The following SPEF2 variants were observed in gnomAD, a reference collection of about 807,000 sequenced individuals.
SPEF2 encodes the protein sperm flagella and cilia-associated protein 2.
SPEF2 carries 187 observed loss-of-function variants against 224.6 expected under a neutral mutation model. The observed-to-expected ratio is 0.83, with a 90% CI of 0.74 to 0.94. The LOEUF is 0.94. Among genes scored for constraint, SPEF2 ranks in the 40% least tolerant of loss-of-function variants. The probability of loss-of-function intolerance (pLI) is 0.00; values close to 1 mark genes in which losing one functional copy is unlikely to be tolerated. For missense variants in SPEF2, 2,170 were observed against 2,135.6 expected (o/e 1.02, Z -0.32); for synonymous variants, 715 against 707.3 (o/e 1.01, Z -0.17).
chr5:35,758,673 T>C (rs1750785582), intron 24 of SPEF2, among the ~76,000 whole-genome samples: 1 of 152,082 alleles, frequency 6.6e-6, no homozygotes, highest in Non-Finnish European at 1.5e-5. Context: ...TCTCCACATA[T>C]TGAACAAGAA....
At chr5:35,729,375 C>T (rs1745231711) in intron 21 of SPEF2, among the ~76,000 whole-genome samples, 1 of 152,160 alleles carries the variant, frequency 6.6e-6, no homozygotes, top group Non-Finnish European at 1.5e-5. Context: ...GAGCTGTGGC[C>T]TTCCCCAGAG....
intron 24 of SPEF2, 129 bp downstream of exon 24, chr5:35,753,890 G>A: frequency 9.0e-7 from 1 of 1,117,278 alleles, no homozygotes; most frequent in Non-Finnish European, 1.3e-6. Flanking sequence ...CACTATGCCT[G>A]GTATGAGCTC....
chr5:35,708,888 A>G, intron 18 of SPEF2, 60 bp from the exon 19 acceptor site: 1 of 1,425,646 alleles, frequency 7.0e-7, no homozygotes, highest in South Asian at 1.3e-5. Flanking sequence ...TCTTAGTTCA[A>G]GTGAAATAGT....
intron 16 of SPEF2, among the ~76,000 whole-genome samples, 174 bp downstream of exon 16, chr5:35,700,926 G>A (rs756955782): frequency 8.5e-5 from 13 of 152,168 alleles, no homozygotes; most frequent in African/African-American, 2.4e-4. Flanking sequence ...AGCATTCAGC[G>A]CTGTGGGCAA....
chr5:35,675,652 C>T (rs527436526), intron 10 of SPEF2: 1 of 225,644 alleles, frequency 4.4e-6, no homozygotes, highest in South Asian at 6.1e-5. Flanking sequence ...GCCAGGACTA[C>T]AGGCCTACAG....
intron 15 of SPEF2, chr5:35,699,114 C>T (rs934387209): frequency 3.9e-5 from 6 of 152,076 alleles, no homozygotes; most frequent in African/African-American, 1.2e-4. Flanking sequence ...TTTTTAGTTT[C>T]GTGACTTTGA....
intron 23 of SPEF2, among the ~76,000 whole-genome samples, chr5:35,751,080 C>CGTATATATATACGTATATATATACAA (rs1749529999): frequency 2.3e-5 from 1 of 43,736 alleles, no homozygotes; most frequent in Non-Finnish European, 4.5e-5. Context: ...TATATATATA[C>CGTATATATATACGTATATATATACAA]ACACACACAC....
At chr5:35,651,575 G>T (rs1185170079) in intron 6 of SPEF2, among the ~76,000 whole-genome samples, 1 of 152,146 alleles carries the variant, frequency 6.6e-6, no homozygotes, top group Admixed American at 6.5e-5. Context: ...GAAAACAGAG[G>T]CTATGGTTAC....
At chr5:35,686,010 G>C (rs1443945546) in intron 10 of SPEF2, among the ~76,000 whole-genome samples, 1 of 152,024 alleles carries the variant, frequency 6.6e-6, no homozygotes, top group Admixed American at 6.5e-5. Flanking sequence ...ATTTTGATGA[G>C]GGAGTTCCTT....
chr5:35,812,987 A>G (rs1319713524), intron 36 of SPEF2, among the ~76,000 whole-genome samples: 1 of 152,178 alleles, frequency 6.6e-6, no homozygotes, highest in Non-Finnish European at 1.5e-5. Flanking sequence ...GCTCTTCTCC[A>G]TTCACTGCTA....
chr5:35,629,966 C>T (rs1744850896), intron 2 of SPEF2, among the ~76,000 whole-genome samples: 1 of 152,142 alleles, frequency 6.6e-6, no homozygotes, highest in African/African-American at 2.4e-5. Context: ...TGGTTACAAT[C>T]CTCTGTTGGT....
intron 32 of SPEF2, 65 bp downstream of exon 32, chr5:35,793,406 T>C: frequency 6.6e-7 from 1 of 1,510,238 alleles, no homozygotes; most frequent in Non-Finnish European, 9.0e-7. Flanking sequence ...AGTGAATTAC[T>C]CAATGATGTT....
intron 24 of SPEF2, 92 bp downstream of exon 24, chr5:35,753,853 G>A: frequency 6.7e-7 from 1 of 1,503,732 alleles, no homozygotes; most frequent in Non-Finnish European, 9.1e-7. Flanking sequence ...AATATGAGAG[G>A]TCTGTTCAGG....
At chr5:35,753,813 C>T (rs749919318) in intron 24 of SPEF2, 52 bp downstream of exon 24, 5 of 1,607,950 alleles carry the variant, frequency 3.1e-6, no homozygotes, top group South Asian at 1.1e-5. Context: ...CAGCCTCATT[C>T]CTCAGTCCTT....
At chr5:35,794,929 T>C (rs1756458695) in intron 32 of SPEF2, among the ~76,000 whole-genome samples, 2 of 152,042 alleles carry the variant, frequency 1.3e-5, no homozygotes, top group Non-Finnish European at 2.9e-5. Flanking sequence ...CCCCCTCCTC[T>C]GAAACCCCCA....
chr5:35,780,511 G>A (rs1158590822), intron 30 of SPEF2, among the ~76,000 whole-genome samples: 2 of 152,122 alleles, frequency 1.3e-5, no homozygotes, highest in African/African-American at 2.4e-5. Flanking sequence ...ATTTGGGCAC[G>A]AAGGAAACAT....
chr5:35,709,034 C>T lies in SPEF2; in HGVS notation c.2752C>T (p.Pro918Ser). ...TCCACTTCCTACACCTCCTCCTGCT[C>T]CTCCTCCTGAACCAGAAAAAGAGAA... ...ELPLPTPPPA[P>S]PPEPEKEKEI... Residue 918 changes from proline to serine, a missense_variant, in exon 19 of 37, where the codon CCT becomes TCT. Pro to Ser is a moderately conservative substitution (Grantham distance 74). Transcript: ENST00000356031. 1.9e-6 allele frequency: 3 copies of T among 1,613,796 alleles called. No homozygotes were observed. Among genetic ancestry groups the T allele is most frequent in the South Asian group, 2.2e-5 (2 of 91,002 alleles).
chr5:35,675,743 G>T, intron 10 of SPEF2: 1 of 306,738 alleles, frequency 3.3e-6, no homozygotes, highest in Non-Finnish European at 6.7e-6. Context: ...ATTCTTATTT[G>T]TAGTAATCAA....
At chr5:35,674,673 C>T (rs181014722) in intron 10 of SPEF2, among the ~76,000 whole-genome samples, 13 of 151,842 alleles carry the variant, frequency 8.6e-5, no homozygotes, top group Non-Finnish European at 1.5e-4. Context: ...TGATGGTTTA[C>T]GAAAACTAAT....
Sources: gnomAD v4.1 joint callset for allele counts (sites outside exome capture counted in the v4.1 genomes callset) on GRCh38, gnomAD v4.1.1 for gene constraint, MANE v1.5 for transcripts, NCBI Gene and HGNC (gene_info 2026-07-23, HGNC 2026-07-21) for gene names.